The following PTPRN2 variants were observed in gnomAD, a reference collection of about 807,000 sequenced individuals.
The protein encoded by PTPRN2 is receptor-type tyrosine-protein phosphatase N2.
In PTPRN2, 74 loss-of-function variants were observed where a neutral mutation model predicts 118.8. That is an observed-to-expected ratio of 0.62 (90% CI 0.52 to 0.76). PTPRN2 has a LOEUF of 0.76. PTPRN2 is among the 30% of genes least tolerant of loss of function. The probability of loss-of-function intolerance (pLI) is 0.00; values close to 1 mark genes in which losing one functional copy is unlikely to be tolerated. For missense variants in PTPRN2, 1,481 were observed against 1,394.4 expected, an observed-to-expected ratio of 1.06 and a Z score of -0.99; for synonymous variants, 641 against 608.0, an observed-to-expected ratio of 1.05 and a Z score of -0.80.
chr7:157,774,022 CAT>C (rs1401700682), intron 12 of PTPRN2, among the ~76,000 whole-genome samples: 10 of 152,012 alleles, frequency 6.6e-5, no homozygotes, highest in Admixed American at 6.6e-5. Flanking sequence ...AAAAAGAAAA[CAT>C]AGGGAAAACA....
chr7:158,386,005 C>T (rs1811317814), intron 2 of PTPRN2, among the ~76,000 whole-genome samples: 2 of 136,312 alleles, frequency 1.5e-5, no homozygotes, highest in African/African-American at 5.5e-5. Context: ...GTCCCTCCTC[C>T]CGTGCCCCAA....
rs918593249 is a variant in PTPRN2 at position 157,780,832 on chromosome 7, C to T, written c.1789-97895G>A. 2.0e-5 allele frequency among the ~76,000 whole-genome samples: 3 copies of T among 152,172 alleles called. No homozygotes were observed. The highest frequency in any genetic ancestry group is 2.1e-4 in the South Asian group (1 of 4,830). ...CTGCCTCATCCGTGATGAGCTGCCC[C>T]GCGGGTCCCCACAGATCAATCAGGA... On this transcript the variant is annotated intron_variant, in intron 12 of 22. Coordinates refer to ENST00000389418, the MANE Select transcript of PTPRN2 (RefSeq NM_002847.5). The surrounding 1 kb of genome is among the most constrained non-coding windows in gnomAD (Gnocchi z 4.5).
chr7:158,183,242 A>G (rs978876082), intron 5 of PTPRN2, among the ~76,000 whole-genome samples: 1 of 152,146 alleles, frequency 6.6e-6, no homozygotes, highest in Non-Finnish European at 1.5e-5. Context: ...TATCCATTCT[A>G]CCAATCTGTT....
In PTPRN2 at chr7:158,238,475, C is replaced by T. The variant is rs549864974; in HGVS notation, c.278-33202G>A. Among the ~76,000 whole-genome samples the T allele has an allele frequency of 6.6e-5, 10 of 152,310 alleles. No individual in the cohort carries two copies. In the East Asian group the frequency reaches 1.9e-3, roughly 29 times the overall value. ...GCTCATCAGAAACCTTTCTTCCGCC[C>T]TCAGCCACTGTCCCTCTTAATCCAG... On this transcript the variant is annotated intron_variant, in intron 3 of 22. Coordinates refer to ENST00000389418, the MANE Select transcript of PTPRN2 (RefSeq NM_002847.5).
intron 12 of PTPRN2, among the ~76,000 whole-genome samples, chr7:157,734,977 C>T (rs887711276): frequency 1.3e-5 from 2 of 152,248 alleles, no homozygotes; most frequent in African/African-American, 4.8e-5. Flanking sequence ...CTAACTGCCT[C>T]GATGCAGGAG....
At chr7:158,179,171 T>A (rs190622690) in intron 5 of PTPRN2, among the ~76,000 whole-genome samples, 1 of 152,348 alleles carries the variant, frequency 6.6e-6, no homozygotes, top group East Asian at 1.9e-4. Context: ...ACATCTATTG[T>A]TTTGTGACTT....
At chr7:157,773,365 C>T (rs1321666328) in intron 12 of PTPRN2, among the ~76,000 whole-genome samples, 1 of 152,196 alleles carries the variant, frequency 6.6e-6, no homozygotes, top group Non-Finnish European at 1.5e-5. Context: ...GGCTCCCAAC[C>T]TCCAGGAGAT....
intron 2 of PTPRN2, among the ~76,000 whole-genome samples, chr7:158,332,162 C>G (rs1458772229): frequency 6.7e-6 from 1 of 150,316 alleles, no homozygotes; most frequent in Non-Finnish European, 1.5e-5. Flanking sequence ...CTGCAGATGT[C>G]ACTCACATCC....
chr7:157,907,641 C>T (rs911610899), intron 11 of PTPRN2, among the ~76,000 whole-genome samples: 16 of 137,252 alleles, frequency 1.2e-4, no homozygotes, highest in African/African-American at 4.4e-4. Context: ...GCAGTATCTC[C>T]CTGTCCCCTG....
chr7:158,410,443 A>G (rs1196222106), intron 2 of PTPRN2, among the ~76,000 whole-genome samples: 1 of 152,054 alleles, frequency 6.6e-6, no homozygotes, highest in African/African-American at 2.4e-5. Flanking sequence ...CAGAGTAGAC[A>G]CCTGTGAGCC....
At chr7:157,687,862 C>T (rs1193343554) in intron 12 of PTPRN2, among the ~76,000 whole-genome samples, 1 of 152,166 alleles carries the variant, frequency 6.6e-6, no homozygotes, top group East Asian at 1.9e-4. Flanking sequence ...AAGCTGTTAA[C>T]GGAACTACTT....
intron 11 of PTPRN2, among the ~76,000 whole-genome samples, chr7:158,053,178 C>T (rs73510487): frequency 1.7e-4 from 26 of 152,272 alleles, no homozygotes; most frequent in African/African-American, 5.1e-4. Flanking sequence ...GCTGGGGAGA[C>T]ACAGGCTTAC....
At position 157,780,759 on chromosome 7, in the gene PTPRN2, G is replaced by C. The variant is rs1320408728; in HGVS notation, c.1789-97822C>G. On this transcript the variant is annotated intron_variant, in intron 12 of 22. Transcript: ENST00000389418. This position sits in a 1 kb window ranked among gnomAD's most constrained non-coding sequence, Gnocchi z 4.5. ...GAGAGAGCACTTGACACTGTTGCTT[G>C]CATGTGCCCCCGGGCCAAGGTGGAC... 1.3e-5 allele frequency among the ~76,000 whole-genome samples: 2 copies of C among 152,216 alleles called. No homozygotes were observed. The highest frequency in any genetic ancestry group is 2.4e-5 in the African/African-American group (1 of 41,444).
intron 11 of PTPRN2, chr7:158,029,075 C>T (rs2128880918): frequency 6.6e-6 from 1 of 152,446 alleles, no homozygotes; most frequent in South Asian, 2.1e-4. Context: ...AACACCCCTG[C>T]TCTGGAGCAA....
At chr7:158,557,231 G>A (rs1827091949) in intron 1 of PTPRN2, among the ~76,000 whole-genome samples, 1 of 133,810 alleles carries the variant, frequency 7.5e-6, no homozygotes, top group Non-Finnish European at 1.5e-5. Flanking sequence ...AGGTCAGAGG[G>A]CTCCCGTGCA....
chr7:158,174,780 C>A (rs1015634585), intron 5 of PTPRN2, among the ~76,000 whole-genome samples: 2 of 152,296 alleles, frequency 1.3e-5, no homozygotes, highest in South Asian at 4.2e-4. Context: ...TGGAGGAAAT[C>A]AGAGCTGCTT....
chr7:157,942,650 T>C lies in PTPRN2; in HGVS notation c.1724-43913A>G, dbSNP rs542470275. ...TCCGCGTTCACCTGTACATCGCAAG[T>C]GTCTAAAAATGATGTGTATCCCCTC... is the stretch of plus-strand genomic sequence containing the variant. On this transcript the variant is annotated intron_variant, in intron 11 of 22. Coordinates refer to ENST00000389418, the MANE Select transcript of PTPRN2 (RefSeq NM_002847.5). 1.3e-4 allele frequency among the ~76,000 whole-genome samples: 20 copies of C among 152,048 alleles called. No individual in the cohort carries two copies. In the South Asian group the frequency reaches 4.2e-3, roughly 32 times the overall value.
At chr7:157,818,510 C>T (rs1364321354) in intron 12 of PTPRN2, among the ~76,000 whole-genome samples, 4 of 152,040 alleles carry the variant, frequency 2.6e-5, no homozygotes, top group Admixed American at 2.0e-4. Context: ...CGGGGAGGGA[C>T]GTCTCAAGAG....
chr7:158,265,269 G>A (rs1410898915), intron 3 of PTPRN2, among the ~76,000 whole-genome samples: 2 of 152,070 alleles, frequency 1.3e-5, no homozygotes, highest in African/African-American at 4.8e-5. Context: ...GCTCAGAGTG[G>A]TCCCCAGAGG....
Sources: allele counts gnomAD v4.1 joint callset (sites outside exome capture counted in the v4.1 genomes callset), GRCh38; gene constraint gnomAD v4.1.1; non-coding constraint Gnocchi (gnomAD v3.1); transcripts MANE v1.5; gene names NCBI Gene and HGNC (gene_info 2026-07-23, HGNC 2026-07-21).